The following DRC9 variants were observed in gnomAD, a reference collection of about 807,000 sequenced individuals.
DRC9 encodes dynein regulatory complex subunit 9, also known as dynein regulatory complex protein 9.
the DRC9 span, among the ~76,000 whole-genome samples, chr3:197,900,943 A>G: frequency 6.6e-6 from 1 of 152,174 alleles, no homozygotes; most frequent in Non-Finnish European, 1.5e-5. The surrounding 1 kb of genome is among the most constrained non-coding windows in gnomAD (Gnocchi z 4.7). Context: ...GCAGGGGTCC[A>G]CAGGGGTACA....
At chr3:197,912,359 AT>A in the DRC9 span, 1 of 233,720 alleles carries the variant, frequency 4.3e-6, no homozygotes, top group African/African-American at 2.3e-5. Flanking sequence ...GTAGGTCATA[AT>A]TTGACTTAAT....
the DRC9 span, among the ~76,000 whole-genome samples, chr3:197,926,909 T>G: frequency 6.6e-6 from 1 of 152,132 alleles, no homozygotes; most frequent in Non-Finnish European, 1.5e-5. Flanking sequence ...CATGAATAAT[T>G]CCATCTCAGC....
the DRC9 span, among the ~76,000 whole-genome samples, chr3:197,955,481 C>G: frequency 2.6e-5 from 4 of 152,054 alleles, no homozygotes; most frequent in African/African-American, 9.7e-5. Flanking sequence ...CCAGGATGGT[C>G]TCTATCTCTT....
the DRC9 span, among the ~76,000 whole-genome samples, chr3:197,915,663 C>G: frequency 2.0e-5 from 3 of 152,234 alleles, no homozygotes; most frequent in South Asian, 6.2e-4. Flanking sequence ...GAGGCTCGCT[C>G]TTGTTGCCCA....
At chr3:197,947,093 G>A in the DRC9 span, among the ~76,000 whole-genome samples, 1 of 152,344 alleles carries the variant, frequency 6.6e-6, no homozygotes, top group South Asian at 2.1e-4. Flanking sequence ...TTACAGGCGT[G>A]AGCCAAGGCG....
the DRC9 span, among the ~76,000 whole-genome samples, chr3:197,941,076 A>G: frequency 6.6e-6 from 1 of 152,146 alleles, no homozygotes; most frequent in Non-Finnish European, 1.5e-5. Flanking sequence ...GACAGCAGGT[A>G]GCATTGAAAA....
chr3:197,920,412 C>A, the DRC9 span, among the ~76,000 whole-genome samples: 1 of 143,198 alleles, frequency 7.0e-6, no homozygotes, highest in African/African-American at 2.7e-5. Flanking sequence ...AAAGAGAGAA[C>A]CCCCCCATCT....
chr3:197,959,972 A>G, the DRC9 span: 1 of 546,728 alleles, frequency 1.8e-6, no homozygotes, highest in Non-Finnish European at 3.3e-6. Context: ...CAAGACACCC[A>G]CATACGGCCA....
the DRC9 span, among the ~76,000 whole-genome samples, chr3:197,941,175 T>G: frequency 8.1e-6 from 1 of 122,772 alleles, no homozygotes; most frequent in African/African-American, 3.1e-5. Context: ...CTCTCTCCTC[T>G]CTCTCTCCCC....
chr3:197,935,356 C>A, the DRC9 span, among the ~76,000 whole-genome samples: 1 of 151,388 alleles, frequency 6.6e-6, no homozygotes, highest in Non-Finnish European at 1.5e-5. Context: ...AAGAGAATCG[C>A]TTGAACCCAG....
chr3:197,902,166 G>T, the DRC9 span, among the ~76,000 whole-genome samples: 754 of 152,338 alleles, frequency 4.9e-3, 6 homozygotes, highest in Non-Finnish European at 7.3e-3. Context: ...TTAGGGGCTT[G>T]GAGTGTTCCC....
the DRC9 span, among the ~76,000 whole-genome samples, chr3:197,895,664 T>C: frequency 6.6e-6 from 1 of 152,128 alleles, no homozygotes; most frequent in Non-Finnish European, 1.5e-5. Flanking sequence ...TTTATCTGTT[T>C]AGGTGAGTAT....
At chr3:197,909,513 A>T in the DRC9 span, among the ~76,000 whole-genome samples, 1 of 152,256 alleles carries the variant, frequency 6.6e-6, no homozygotes, top group Non-Finnish European at 1.5e-5. Flanking sequence ...ATGTTATCAC[A>T]GAAAAACCTG....
At chr3:197,954,890 G>A in the DRC9 span, among the ~76,000 whole-genome samples, 1 of 152,266 alleles carries the variant, frequency 6.6e-6, no homozygotes, top group African/African-American at 2.4e-5. Context: ...GTTACGCCTG[G>A]CATAATTGTT....
chr3:197,932,304 T>C, the DRC9 span: 13 of 1,608,858 alleles, frequency 8.1e-6, no homozygotes, highest in Non-Finnish European at 1.1e-5. Flanking sequence ...AAAAACTGCC[T>C]GTAAGGAGAA....
At chr3:197,915,635 T>A in the DRC9 span, among the ~76,000 whole-genome samples, 1 of 152,162 alleles carries the variant, frequency 6.6e-6, no homozygotes, top group Non-Finnish European at 1.5e-5. Flanking sequence ...CTTCTCTTTT[T>A]ACATTTTTTT....
At chr3:197,941,493 C>T in the DRC9 span, among the ~76,000 whole-genome samples, 5 of 72,024 alleles carry the variant, frequency 6.9e-5, no homozygotes, top group African/African-American at 2.5e-4. Flanking sequence ...TCCCCTCCCT[C>T]CCTCCCTTCC....
At chr3:197,894,299 C>T in the DRC9 span, among the ~76,000 whole-genome samples, 9 of 152,040 alleles carry the variant, frequency 5.9e-5, no homozygotes, top group East Asian at 3.9e-4. Context: ...ACCCACAATG[C>T]GCATATATAT....
At chr3:197,905,424 T>A in the DRC9 span, among the ~76,000 whole-genome samples, 3,485 of 152,054 alleles carry the variant, frequency 0.023, 156 homozygotes, top group African/African-American at 0.08. Flanking sequence ...CAATTTTAAG[T>A]CTATAAATCA....
Sources: gnomAD v4.1 joint callset for allele counts (sites outside exome capture counted in the v4.1 genomes callset) on GRCh38, gnomAD v4.1.1 for gene constraint, Gnocchi (gnomAD v3.1) non-coding constraint, MANE v1.5 for transcripts, NCBI Gene and HGNC (gene_info 2026-07-23, HGNC 2026-07-21) for gene names.